The following XKR5 variants were observed in gnomAD, a reference collection of about 807,000 sequenced individuals.
XKR5 encodes the protein XK-related protein 5.
In XKR5, 46 loss-of-function variants were observed where a neutral mutation model predicts 40.8. That is an observed-to-expected ratio of 1.13 (90% CI 0.89 to 1.44). The LOEUF (loss-of-function observed/expected upper bound fraction) is 1.44, where lower values mean the gene tolerates loss of function less well. XKR5 is among the 40% of genes most tolerant of loss of function. The pLI, the probability that XKR5 is intolerant of heterozygous loss-of-function variation, is 0.00. For synonymous variants in XKR5, 466 were observed against 356.1 expected, an observed-to-expected ratio of 1.31 and a Z score of -3.48; for missense variants, 1,169 against 844.7, an observed-to-expected ratio of 1.38 and a Z score of -4.76.
Position 6,823,520 on chromosome 8 carries a change from C to G in XKR5, c.637+1G>C. ...ATGACCAGATCATTAGCTCAGCTCA[C>G]CTGCAACCACAAAAACCCAAAAGTG... On this transcript the variant is annotated splice_donor_variant, in intron 4 of 6. Transcript: ENST00000618742. LOFTEE classifies it high-confidence loss of function. The G allele has an allele frequency of 6.3e-7, 1 of 1,581,272 alleles. No individual in the cohort carries two copies. Among genetic ancestry groups the G allele is most frequent in the Non-Finnish European group, 8.6e-7 (1 of 1,163,320 alleles).
At chr8:6,828,994 G>T (rs1413284260) in intron 2 of XKR5, among the ~76,000 whole-genome samples, 5 of 152,188 alleles carry the variant, frequency 3.3e-5, no homozygotes, top group African/African-American at 1.2e-4. Flanking sequence ...AGCGGCTGCA[G>T]CTTGCTGTGT....
At position 6,811,474 on chromosome 8, in the gene XKR5, C is replaced by A; in HGVS notation, c.1785G>T (p.Met595Ile). 1 of 1,529,932 alleles carries A rather than the reference C, an allele frequency of 6.5e-7. No individual in the cohort carries two copies. The highest frequency in any genetic ancestry group is 8.8e-7 in the Non-Finnish European group (1 of 1,142,566). 94.8% of individuals were successfully genotyped at this position (1,529,932 alleles called of 1,614,324 possible). Residue 595 changes from methionine (M) to isoleucine (I), a missense_variant, in exon 7 of 7, where the codon ATG becomes ATT. Coordinates refer to ENST00000618742, the MANE Select transcript of XKR5 (RefSeq NM_207411.5). ...PVGLAPFPDT[M>I]ADISPILGTG... ...TGCCTAGGATGGGGCTAATGTCGGCCATGGTGTCGGGGAAGGGCGCCAAGC... is the reference window on the plus strand; with the variant it reads ...TGCCTAGGATGGGGCTAATGTCGGCAATGGTGTCGGGGAAGGGCGCCAAGC...
At position 6,811,513 on chromosome 8, in the gene XKR5, C is replaced by A. The variant is rs545113747; in HGVS notation, c.1746G>T (p.Ser582=). 1.3e-6 allele frequency: 2 copies of A among 1,529,606 alleles called. No homozygotes were observed. Among genetic ancestry groups the A allele is most frequent in the East Asian group, 4.9e-5 (2 of 40,860 alleles). The allele number at this position is 1,529,606 out of a possible 1,614,324, so 94.8% of individuals were successfully genotyped here. Residue 582 remains serine, a synonymous_variant, in exon 7 of 7, where the codon TCG becomes TCT. Coordinates refer to ENST00000618742, the MANE Select transcript of XKR5 (RefSeq NM_207411.5). The part of the protein sequence containing the change: ...LGKSSPAQPA[S]PHPVGLAPFP... ...AGGGCGCCAAGCCCACTGGGTGGGG[C>A]GATGCAGGCTGGGCAGGGCTGCTCT...
intron 2 of XKR5, among the ~76,000 whole-genome samples, chr8:6,828,448 G>C (rs1219392292): frequency 1.3e-5 from 2 of 152,240 alleles, no homozygotes; most frequent in East Asian, 3.8e-4. Context: ...GTAAGAAACA[G>C]AGGACCAGTG....
chr8:6,821,188 T>A (rs937959077), intron 5 of XKR5, among the ~76,000 whole-genome samples: 6 of 152,194 alleles, frequency 3.9e-5, no homozygotes, highest in Non-Finnish European at 5.9e-5. Flanking sequence ...CTAAAACCCA[T>A]GCCCCACCAA....
chr8:6,814,031 CT>C (rs1587156340), intron 6 of XKR5, among the ~76,000 whole-genome samples: 1 of 152,214 alleles, frequency 6.6e-6, no homozygotes, highest in East Asian at 1.9e-4. Context: ...GGCAAGGCCC[CT>C]TCATTCCAAG....
intron 2 of XKR5, 140 bp downstream of exon 2, chr8:6,832,577 G>T: frequency 9.8e-7 from 1 of 1,020,032 alleles, no homozygotes; most frequent in Admixed American, 2.8e-5. Flanking sequence ...ATCAGAGCAG[G>T]GGTTTGCTGT....
Position 6,825,272 on chromosome 8 carries a change from G to A in XKR5, c.320C>T (p.Ala107Val), listed in dbSNP as rs201068079. The A allele has an allele frequency of 1.9e-6, 3 of 1,610,596 alleles. No homozygotes were observed. Among genetic ancestry groups the A allele is most frequent in the South Asian group, 2.2e-5 (2 of 90,730 alleles). ...CAAGAGTCGAAGGGCCGACAGGTCG[G>A]CCTCCTGCAGCTGCAGCCAGCCTCG... Reference protein sequence around the residue: ...PHRGWLQLQEADLSALRLLEA... With the variant: ...PHRGWLQLQEVDLSALRLLEA... Residue 107 changes from alanine to valine, a missense_variant, in exon 3 of 7, where the codon GCC becomes GTC. Transcript: ENST00000618742.
chr8:6,818,216 A>G (rs1317381389), intron 5 of XKR5, among the ~76,000 whole-genome samples: 1 of 152,084 alleles, frequency 6.6e-6, no homozygotes, highest in African/African-American at 2.4e-5. Context: ...GGGTCTTTCC[A>G]TTACTTCCGC....
rs540161123 is a variant in XKR5, at chr8:6,817,733, C to T, written c.808-1815G>A. On this transcript the variant is annotated intron_variant, in intron 5 of 6. Transcript: ENST00000618742. The stretch of plus-strand genomic sequence containing the variant: ...CTTGCAGTTGCAAATCATTTCGCTG[C>T]GCTCTGAGATATACATCCTCTATTA... Among the ~76,000 whole-genome samples, 7 of 152,324 alleles carry T rather than the reference C, an allele frequency of 4.6e-5. No homozygotes were observed. The East Asian group carries it at 7.7e-4, about 17-fold the overall frequency.
At chr8:6,820,935 T>A (rs986912467) in intron 5 of XKR5, among the ~76,000 whole-genome samples, 6 of 152,224 alleles carry the variant, frequency 3.9e-5, no homozygotes, top group African/African-American at 1.2e-4. Context: ...TTCATATGAA[T>A]AATGGCCACA....
At chr8:6,830,609 C>G (rs189274564) in intron 2 of XKR5, among the ~76,000 whole-genome samples, 193 of 152,206 alleles carry the variant, frequency 1.3e-3, no homozygotes, top group African/African-American at 3.9e-3. Context: ...CGATACCTGG[C>G]CTTTCTCATT....
In XKR5 at chr8:6,811,593, G is replaced by C. The variant is rs1563344829; in HGVS notation, c.1666C>G (p.Gln556Glu). 2.6e-6 allele frequency: 4 copies of C among 1,537,402 alleles called. No homozygotes were observed. In the Admixed American group the frequency reaches 7.8e-5, roughly 30 times the overall value. The change falls in exon 7 of 7, where the codon CAA becomes GAA. Residue 556 changes from glutamine (Q) to glutamate (E), a missense_variant. Transcript: ENST00000618742. Reference protein sequence around the residue: ...ATAEVATSSQQEGSPATLQTA... With the variant: ...ATAEVATSSQEEGSPATLQTA... ...TGCAGAGTAGCTGGGCTGCCTTCTT[G>C]TTGTGAGGATGTGGCCACTTCTGCA... is the stretch of plus-strand genomic sequence containing the variant.
At position 6,822,431 on chromosome 8, in the gene XKR5, A is replaced by G. The variant is rs535733067; in HGVS notation, c.638-393T>C. 1.1e-4 allele frequency among the ~76,000 whole-genome samples: 17 copies of G among 152,322 alleles called. No homozygotes were observed. In the South Asian group the frequency reaches 1.2e-3, roughly 11 times the overall value. ...CTCCACATGCAAAGGAAAGAACTCT[A>G]TGTGGTGCAGCTTTAATTTTTATGC... On this transcript the variant is annotated intron_variant, in intron 4 of 6. Coordinates refer to ENST00000618742, the MANE Select transcript of XKR5 (RefSeq NM_207411.5).
chr8:6,813,289 G>C (rs1803820052), intron 6 of XKR5, among the ~76,000 whole-genome samples: 1 of 152,196 alleles, frequency 6.6e-6, no homozygotes, highest in African/African-American at 2.4e-5. Context: ...TGCTCAGCCA[G>C]TTTCTGCACT....
chr8:6,833,120 C>G (rs1373642025), intron 1 of XKR5, among the ~76,000 whole-genome samples: 2 of 152,196 alleles, frequency 1.3e-5, no homozygotes, highest in African/African-American at 2.4e-5. Context: ...TAAATCTAGC[C>G]AGAGCCAGAC....
chr8:6,815,984 G>T, intron 5 of XKR5, 66 bp from the exon 6 acceptor site: 1 of 1,275,550 alleles, frequency 7.8e-7, no homozygotes, highest in Non-Finnish European at 1.1e-6. Flanking sequence ...CCCCCGTCCC[G>T]TGAGTCTGCA....
chr8:6,827,000 C>G (rs1563360069), intron 2 of XKR5, among the ~76,000 whole-genome samples: 1 of 152,144 alleles, frequency 6.6e-6, no homozygotes. Context: ...AGTCTGTTTC[C>G]CATGAGCCTA....
Position 6,811,950 on chromosome 8 carries a change from C to A in XKR5, c.1309G>T (p.Gly437Trp). 2 of 1,537,330 alleles carry A rather than the reference C, an allele frequency of 1.3e-6. No individual in the cohort carries two copies. The highest frequency in any genetic ancestry group is 1.7e-6 in the Non-Finnish European group (2 of 1,146,944). ...TGCAGGTAGTCCTGTTGACTCAACC[C>A]CCATGCAGGTGGACAATAGGCAGGA... ...NSPAYCPPAW[G>W]LSQQDYLQRK... Residue 437 changes from glycine (G) to tryptophan (W), a missense_variant, in exon 7 of 7, where the codon GGG becomes TGG. Coordinates refer to ENST00000618742, the MANE Select transcript of XKR5 (RefSeq NM_207411.5).
Sources: allele counts gnomAD v4.1 joint callset (sites outside exome capture counted in the v4.1 genomes callset), GRCh38; gene constraint gnomAD v4.1.1; transcripts MANE v1.5; gene names NCBI Gene and HGNC (gene_info 2026-07-23, HGNC 2026-07-21).